The following FSIP1 variants were observed in gnomAD, a reference collection of about 807,000 sequenced individuals.
FSIP1 encodes the protein fibrous sheath interacting protein 1, also known as fibrous sheath-interacting protein 1.
Under a neutral mutation model 60.9 loss-of-function variants are expected in FSIP1, and 65 were observed. The ratio of observed to expected loss-of-function variants is 1.07; its 90% CI spans 0.87 to 1.31. The LOEUF (loss-of-function observed/expected upper bound fraction) is 1.31. FSIP1 is among the 40% of genes most tolerant of loss of function. The pLI, the probability that FSIP1 is intolerant of heterozygous loss-of-function variation, is 0.00. For synonymous variants in FSIP1, 209 were observed against 221.2 expected (o/e 0.94, Z 0.49); for missense variants, 675 against 665.5 (o/e 1.01, Z -0.16).
At chr15:39,765,095 G>C (rs1382154710) in intron 4 of FSIP1, among the ~76,000 whole-genome samples, 1 of 151,908 alleles carries the variant, frequency 6.6e-6, no homozygotes, top group Non-Finnish European at 1.5e-5. Flanking sequence ...TTCTTCTCAG[G>C]TTCCAGAAAA....
chr15:39,780,020 T>C (rs1595412909), intron 1 of FSIP1, among the ~76,000 whole-genome samples: 1 of 152,296 alleles, frequency 6.6e-6, no homozygotes, highest in East Asian at 1.9e-4. Context: ...TACTTGCCCA[T>C]GCAGAAAAAA....
chr15:39,737,350 C>T (rs1026893171), intron 8 of FSIP1, among the ~76,000 whole-genome samples: 1 of 152,046 alleles, frequency 6.6e-6, no homozygotes, highest in Non-Finnish European at 1.5e-5. Flanking sequence ...CCTGTTAACC[C>T]CAGGACTCTC....
intron 1 of FSIP1, among the ~76,000 whole-genome samples, chr15:39,778,721 A>G (rs944116765): frequency 3.3e-4 from 50 of 152,226 alleles, no homozygotes; most frequent in African/African-American, 9.9e-4. Flanking sequence ...GAGTGCACAA[A>G]AGGAAGCGAG....
At chr15:39,669,586 A>T (rs1363364355) in intron 10 of FSIP1, among the ~76,000 whole-genome samples, 1 of 152,262 alleles carries the variant, frequency 6.6e-6, no homozygotes, top group African/African-American at 2.4e-5. Flanking sequence ...AAACAAATCA[A>T]GTCCTAGTTG....
chr15:39,742,758 A>C (rs1896848317), intron 5 of FSIP1, among the ~76,000 whole-genome samples: 1 of 152,150 alleles, frequency 6.6e-6, no homozygotes, highest in Non-Finnish European at 1.5e-5. Context: ...CTAATTCAAA[A>C]CACAAAACTT....
chr15:39,612,817 A>G (rs540574776), intron 11 of FSIP1, among the ~76,000 whole-genome samples: 1 of 152,268 alleles, frequency 6.6e-6, no homozygotes. Context: ...CCATCATGTA[A>G]TGGGAAGATA....
In FSIP1 at chr15:39,663,902, G is replaced by C. The variant is rs187556262; in HGVS notation, c.1189-45657C>G. 2.0e-5 allele frequency among the ~76,000 whole-genome samples: 3 copies of C among 152,332 alleles called. No individual in the cohort carries two copies. The East Asian group carries it at 5.8e-4, about 29-fold the overall frequency. On this transcript the variant is annotated intron_variant, in intron 10 of 11. Coordinates refer to ENST00000350221, the MANE Select transcript of FSIP1 (RefSeq NM_152597.5). The stretch of plus-strand genomic sequence containing the variant: ...TCATGCAGATAGATATTGTGCAATG[G>C]AATGTAACAAAGCATTGCTCCAAGG...
intron 10 of FSIP1, among the ~76,000 whole-genome samples, chr15:39,695,314 C>G (rs1045016691): frequency 1.3e-5 from 2 of 151,710 alleles, no homozygotes; most frequent in East Asian, 3.9e-4. Context: ...CCCCGTGGCA[C>G]CCAGTACCCA....
chr15:39,685,789 A>G (rs1894343579), intron 10 of FSIP1, among the ~76,000 whole-genome samples: 1 of 152,170 alleles, frequency 6.6e-6, no homozygotes, highest in Admixed American at 6.5e-5. Flanking sequence ...TAATCCCAAA[A>G]CAACAAGAAA....
intron 5 of FSIP1, among the ~76,000 whole-genome samples, chr15:39,757,811 G>C (rs574610801): frequency 1.3e-5 from 2 of 152,278 alleles, no homozygotes; most frequent in South Asian, 2.1e-4. Flanking sequence ...ACAGTCAGTA[G>C]CAAGAGTGAA....
At chr15:39,644,765 G>T (rs973099637) in intron 10 of FSIP1, among the ~76,000 whole-genome samples, 43 of 152,154 alleles carry the variant, frequency 2.8e-4, no homozygotes, top group African/African-American at 8.9e-4. Context: ...GTAACTAAAG[G>T]TAAACCTGTT....
intron 8 of FSIP1, among the ~76,000 whole-genome samples, chr15:39,737,742 G>C (rs1291276645): frequency 2.0e-5 from 3 of 152,066 alleles, no homozygotes; most frequent in Non-Finnish European, 4.4e-5. Flanking sequence ...GTGTCATGGG[G>C]CTTTGTTGTA....
At chr15:39,667,207 T>A (rs1274183812) in intron 10 of FSIP1, among the ~76,000 whole-genome samples, 1 of 152,200 alleles carries the variant, frequency 6.6e-6, no homozygotes, top group African/African-American at 2.4e-5. Context: ...ACTCAATGAC[T>A]TGATTAAAGA....
chr15:39,778,151 G>A (rs926892326), intron 1 of FSIP1, among the ~76,000 whole-genome samples: 3 of 152,164 alleles, frequency 2.0e-5, no homozygotes, highest in Non-Finnish European at 4.4e-5. Flanking sequence ...TGGGATGATG[G>A]ATCACCCTGG....
At chr15:39,709,384 A>G (rs548912186) in intron 10 of FSIP1, among the ~76,000 whole-genome samples, 1 of 152,374 alleles carries the variant, frequency 6.6e-6, no homozygotes, top group African/African-American at 2.4e-5. Context: ...AATTTTGTAT[A>G]TAGAAAAGAC....
intron 8 of FSIP1, among the ~76,000 whole-genome samples, chr15:39,730,092 G>A (rs781000561): frequency 6.7e-6 from 1 of 150,194 alleles, no homozygotes; most frequent in African/African-American, 2.4e-5. Flanking sequence ...AAACTTTGTT[G>A]TGGCCTTACC....
At chr15:39,723,610 C>A (rs931690792) in intron 9 of FSIP1, among the ~76,000 whole-genome samples, 14 of 152,204 alleles carry the variant, frequency 9.2e-5, no homozygotes, top group Non-Finnish European at 5.9e-5. Flanking sequence ...CATCCAGGAG[C>A]ACTCAATATG....
Position 39,730,822 on chromosome 15 carries a change from G to A in FSIP1, c.892-4075C>T, listed in dbSNP as rs570236281. Among the ~76,000 whole-genome samples, 33 of 152,284 alleles carry A rather than the reference G, an allele frequency of 2.2e-4. No individual in the cohort carries two copies. The South Asian group carries it at 4.4e-3, about 20-fold the overall frequency. On this transcript the variant is annotated intron_variant, in intron 8 of 11. Transcript: ENST00000350221. The stretch of plus-strand genomic sequence containing the variant: ...ATGGTGGCAGCAATGAGCATCTCGT[G>A]GAAAGCAAACGTCTGGTGGCTGCGG...
intron 11 of FSIP1, among the ~76,000 whole-genome samples, chr15:39,611,636 A>C (rs1053859544): frequency 9.2e-5 from 14 of 152,246 alleles, no homozygotes; most frequent in African/African-American, 3.1e-4. Context: ...CAAATTACAA[A>C]ATGGCAGTAG....
Sources: allele counts gnomAD v4.1 joint callset (sites outside exome capture counted in the v4.1 genomes callset), GRCh38; gene constraint gnomAD v4.1.1; transcripts MANE v1.5; gene names NCBI Gene and HGNC (gene_info 2026-07-23, HGNC 2026-07-21).